Variants in MUCL3 observed in about 807,000 individuals in gnomAD.
MUCL3 encodes mucin-like protein 3.
Under a neutral mutation model 70.2 loss-of-function variants are expected in MUCL3, and 42 were observed. The observed-to-expected ratio is 0.60, with a 90% confidence interval of 0.47 to 0.77. The LOEUF is 0.77. Among genes scored for constraint, MUCL3 ranks in the 30% least tolerant of loss-of-function variants. MUCL3 has a pLI of 0.00. For missense variants in MUCL3, 1,429 were observed against 1,670.0 expected (o/e 0.86, Z 2.52); for synonymous variants, 522 against 647.0 (o/e 0.81, Z 2.93).
chr6:30,948,629 T>G lies in MUCL3; in HGVS notation c.165T>G (p.Val55=), dbSNP rs549163325. 3 of 1,551,608 alleles carry G rather than the reference T, an allele frequency of 1.9e-6. No homozygotes were observed. The South Asian group carries it at 3.6e-5, about 18-fold the overall frequency. The change falls in exon 2 of 3, where the codon GTT becomes GTG. Residue 55 remains valine (V), a synonymous_variant. Coordinates refer to ENST00000462446, the MANE Select transcript of MUCL3 (RefSeq NM_080870.4). The part of the protein sequence containing the change: ...DHIFPLTPGL[V]YSIPFDHIVL... ...TATTTCCCCTCACTCCAGGCCTTGT[T>G]TATAGTATCCCTTTTGATCACATTG...
Position 30,952,222 on chromosome 6 carries a change from C to G in MUCL3, c.3758C>G (p.Ser1253Cys), listed in dbSNP as rs1347896822. 7 of 1,614,158 alleles carry G rather than the reference C, an allele frequency of 4.3e-6. No homozygotes were observed. The highest frequency in any genetic ancestry group is 5.9e-6 in the Non-Finnish European group (7 of 1,180,028). Residue 1253 changes from serine (S) to cysteine (C), a missense_variant, in exon 2 of 3, where the codon TCT becomes TGT. Transcript: ENST00000462446. ...KPSVKVTGDK[S>C]LTTTSSHLNK... Reference sequence around the variant, plus strand: ...TCAGTCAAGGTCACAGGAGACAAATCTCTCACTACTACCTCTTCTCATCTA... The same window carrying G: ...TCAGTCAAGGTCACAGGAGACAAATGTCTCACTACTACCTCTTCTCATCTA...
rs1240420584 is a variant in MUCL3 at position 30,950,996 on chromosome 6, T to C, written c.2532T>C (p.Asn844=). 2 of 1,541,126 alleles carry C rather than the reference T, an allele frequency of 1.3e-6. No homozygotes were observed. The highest frequency in any genetic ancestry group is 1.7e-6 in the Non-Finnish European group (2 of 1,145,210). ...AATTCCCAGCAGAGCCTACAGAAAA[T>C]AGAGAAAGCACAGCCAATGAGAAGA... ...TTQFPAEPTE[N]RESTANEKTT... The change falls in exon 2 of 3, where the codon AAT becomes AAC. Residue 844 remains asparagine, a synonymous_variant. Transcript: ENST00000462446.
Position 30,949,281 on chromosome 6 carries a change from A to G in MUCL3, c.817A>G (p.Ile273Val), listed in dbSNP as rs1370713331. The stretch of plus-strand genomic sequence containing the variant: ...AACTACAAAAAACATACAAGAGACC[A>G]TATCAGCCAATGAGCTCACACAATC... ...TKTTKNIQETISANELTQSLA... is the reference protein window; with the variant it reads ...TKTTKNIQETVSANELTQSLA... The change falls in exon 2 of 3, where the codon ATA (isoleucine) becomes GTA (valine). Residue 273 changes from isoleucine to valine, a missense_variant. Ile to Val is a conservative substitution (Grantham distance 29, BLOSUM62 3). Transcript: ENST00000462446. 6 of 1,551,410 alleles carry G rather than the reference A, an allele frequency of 3.9e-6. No individual in the cohort carries two copies. In the African/African-American group the frequency reaches 5.5e-5, roughly 14 times the overall value.
At chr6:30,941,986 T>A (rs1795598594) in intron 1 of MUCL3, among the ~76,000 whole-genome samples, 1 of 152,134 alleles carries the variant, frequency 6.6e-6, no homozygotes, top group African/African-American at 2.4e-5. Flanking sequence ...TCTGACCCAT[T>A]TGCCTACTCT....
intron 1 of MUCL3, 116 bp downstream of exon 1, chr6:30,941,197 T>C (rs1795557972): frequency 4.0e-6 from 5 of 1,254,134 alleles, no homozygotes; most frequent in Admixed American, 2.2e-5. Flanking sequence ...CTACAGACAG[T>C]TGTCTAGAGT....
chr6:30,950,041 C>T lies in MUCL3; in HGVS notation c.1577C>T (p.Thr526Ile), dbSNP rs1760551510. 1.9e-6 allele frequency: 3 copies of T among 1,540,722 alleles called. No homozygotes were observed. Among genetic ancestry groups the T allele is most frequent in the Admixed American group, 2.0e-5 (1 of 49,696 alleles). ...SAEPTEHGER[T>I]PLANENTTPS... ...GAGCCTACAGAACACGGAGAAAGGA[C>T]CCCACTGGCCAATGAGAACACCACA... Residue 526 changes from threonine (T) to isoleucine (I), a missense_variant, in exon 2 of 3, where the codon ACC becomes ATC. By Grantham distance (89) the Thr-to-Ile change is moderately conservative. Coordinates refer to ENST00000462446, the MANE Select transcript of MUCL3 (RefSeq NM_080870.4).
intron 2 of MUCL3, 128 bp downstream of exon 2, chr6:30,952,627 A>G: frequency 1.9e-6 from 2 of 1,080,026 alleles, no homozygotes; most frequent in Non-Finnish European, 2.6e-6. Flanking sequence ...AGGAACAGTA[A>G]TAGAGGGAGA....
chr6:30,948,721 A>G lies in MUCL3; in HGVS notation c.257A>G (p.His86Arg). Residue 86 changes from histidine (H) to arginine (R), a missense_variant, in exon 2 of 3, where the codon CAC (histidine) becomes CGC (arginine). His to Arg is a conservative substitution (Grantham distance 29). Coordinates refer to ENST00000462446, the MANE Select transcript of MUCL3 (RefSeq NM_080870.4). ...KSTEIHEQKR[H>R]CNTTRHSKPT... ...ACAGAAATCCATGAGCAAAAACGCC[A>G]CTGCAACACCACACGCCATTCTAAG... 6.4e-7 allele frequency: 1 copy of G among 1,551,686 alleles called. No individual in the cohort carries two copies. The highest frequency in any genetic ancestry group is 8.7e-7 in the Non-Finnish European group (1 of 1,146,988).
In MUCL3 at chr6:30,952,362, C is replaced by T; in HGVS notation, c.3898C>T (p.Leu1300Phe). ...CACAGGAAACGAGAGCCATCCATAC[C>T]TCAATAAAGATGGCTCACAGAAAGG... ...EATGNESHPY[L>F]NKDGSQKGIH... is the part of the protein sequence containing the mutation. The change falls in exon 2 of 3, where the codon CTC becomes TTC. Residue 1300 changes from leucine (L) to phenylalanine (F), a missense_variant. By Grantham distance (22) the Leu-to-Phe change is conservative (BLOSUM62 0). Coordinates refer to ENST00000462446, the MANE Select transcript of MUCL3 (RefSeq NM_080870.4). The T allele has an allele frequency of 6.2e-7, 1 of 1,614,178 alleles. No individual in the cohort carries two copies.
intron 1 of MUCL3, 83 bp downstream of exon 1, chr6:30,941,164 T>C (rs536091996): frequency 6.0e-6 from 9 of 1,491,108 alleles, no homozygotes; most frequent in Non-Finnish European, 8.1e-6. Flanking sequence ...TAGAAATGAA[T>C]GAAGGGGGCG....
intron 1 of MUCL3, 75 bp from the exon 2 acceptor site, chr6:30,948,472 T>C: frequency 1.7e-6 from 2 of 1,181,790 alleles, no homozygotes; most frequent in Non-Finnish European, 1.2e-6. Context: ...AGAGATCCCC[T>C]AGAGAAGGAG....
Position 30,952,495 on chromosome 6 carries a change from T to C in MUCL3, c.4031T>C (p.Phe1344Ser). The C allele has an allele frequency of 6.3e-7, 1 of 1,595,862 alleles. No individual in the cohort carries two copies. Among genetic ancestry groups the C allele is most frequent in the African/African-American group, 1.3e-5 (1 of 74,458 alleles). ...CTCCTGGTGTTCCTTGGCCTGATCT[T>C]CTTGGTAAGGGACAGATGTGCCCCA... ...ILLLVFLGLIFLVSYMMRTRR... is the reference protein window; with the variant it reads ...ILLLVFLGLISLVSYMMRTRR... The change falls in exon 2 of 3, where the codon TTC (phenylalanine) becomes TCC (serine). Residue 1344 changes from phenylalanine (F) to serine (S), a missense_variant. Coordinates refer to ENST00000462446, the MANE Select transcript of MUCL3 (RefSeq NM_080870.4).
Position 30,951,266 on chromosome 6 carries a change from C to T in MUCL3, c.2802C>T (p.Ile934=). ...HGERTPLANE[I]TTPSRAEPTE... ...AAAGGACCCCACTGGCCAATGAGATCACCACACCATCCCGAGCAGAGCCTA... is the reference window on the plus strand; with the variant it reads ...AAAGGACCCCACTGGCCAATGAGATTACCACACCATCCCGAGCAGAGCCTA... The change falls in exon 2 of 3, where the codon ATC becomes ATT. Residue 934 remains isoleucine, a synonymous_variant. Transcript: ENST00000462446. 1 of 1,547,244 alleles carries T rather than the reference C, an allele frequency of 6.5e-7. No homozygotes were observed. Among genetic ancestry groups the T allele is most frequent in the African/African-American group, 1.4e-5 (1 of 71,278 alleles).
At chr6:30,944,438 C>T (rs570434754) in intron 1 of MUCL3, among the ~76,000 whole-genome samples, 8 of 152,234 alleles carry the variant, frequency 5.3e-5, no homozygotes, top group South Asian at 4.2e-4. Flanking sequence ...CCTGCCAACA[C>T]GCCTGGCTAA....
chr6:30,952,053 A>T lies in MUCL3; in HGVS notation c.3589A>T (p.Thr1197Ser). The T allele has an allele frequency of 6.2e-7, 1 of 1,611,054 alleles. No individual in the cohort carries two copies. Among genetic ancestry groups the T allele is most frequent in the South Asian group, 1.1e-5 (1 of 90,828 alleles). The change falls in exon 2 of 3, where the codon ACC (threonine) becomes TCC (serine). Residue 1197 changes from threonine to serine, a missense_variant. Physicochemically the swap from Thr to Ser is moderately conservative, Grantham distance 58 (BLOSUM62 1). Transcript: ENST00000462446. The part of the protein sequence containing the change: ...PTLYSEKTIC[T>S]KGKNTPVPEK... ...GCTATACTCAGAGAAGACCATATGC[A>T]CCAAAGGGAAAAACACACCAGTCCC...
Position 30,950,102 on chromosome 6 carries a change from G to C in MUCL3, c.1638G>C (p.Arg546Ser), listed in dbSNP as rs1191937607. The C allele has an allele frequency of 3.2e-6, 5 of 1,540,552 alleles. No homozygotes were observed. The Admixed American group carries it at 6.0e-5, about 19-fold the overall frequency. ...SPAEPTENRE[R>S]TANEKTTPSP... ...CAGAGCCTACAGAAAATAGAGAAAG[G>C]ACAGCCAATGAGAAGACCACACCAT... Residue 546 changes from arginine to serine, a missense_variant, in exon 2 of 3, where the codon AGG becomes AGC. Coordinates refer to ENST00000462446, the MANE Select transcript of MUCL3 (RefSeq NM_080870.4).
Position 30,949,894 on chromosome 6 carries a change from T to G in MUCL3, c.1430T>G (p.Val477Gly), listed in dbSNP as rs1480735305. 1.4e-6 allele frequency: 2 copies of G among 1,407,252 alleles called. No homozygotes were observed. The highest frequency in any genetic ancestry group is 2.9e-5 in the East Asian group (1 of 34,352). 87.2% of individuals were successfully genotyped at this position (1,407,252 alleles called of 1,614,324 possible). ...TANEKTTLSP[V>G]EPTENRETTA... ...AACGAGAAGACCACACTATCCCCAG[T>G]AGAGCCTACAGAAAATAGAGAAACA... The change falls in exon 2 of 3, where the codon GTA becomes GGA. Residue 477 changes from valine (V) to glycine (G), a missense_variant. Physicochemically the swap from Val to Gly is moderately radical, Grantham distance 109. Transcript: ENST00000462446.
Position 30,948,747 on chromosome 6 carries a change from C to A in MUCL3, c.283C>A (p.Pro95Thr). The A allele has an allele frequency of 1.3e-6, 2 of 1,551,564 alleles. No individual in the cohort carries two copies. The highest frequency in any genetic ancestry group is 1.7e-6 in the Non-Finnish European group (2 of 1,146,968). ...CTGCAACACCACACGCCATTCTAAGCCAACTGACAAGCCTACAGGCAACTC... is the reference window on the plus strand; with the variant it reads ...CTGCAACACCACACGCCATTCTAAGACAACTGACAAGCCTACAGGCAACTC... ...RHCNTTRHSK[P>T]TDKPTGNSKT... Residue 95 changes from proline to threonine, a missense_variant, in exon 2 of 3, where the codon CCA becomes ACA. By Grantham distance (38) the Pro-to-Thr change is conservative. Transcript: ENST00000462446.
At position 30,950,297 on chromosome 6, in the gene MUCL3, C is replaced by T; in HGVS notation, c.1833C>T (p.Ala611=). ...AACACGAAGAAAGGACTCCACTGGC[C>T]AATGAGAACACCACACCATCCCCGG... ...PTEHEERTPL[A]NENTTPSPAE... The change falls in exon 2 of 3, where the codon GCC becomes GCT. Residue 611 remains alanine (A), a synonymous_variant. Coordinates refer to ENST00000462446, the MANE Select transcript of MUCL3 (RefSeq NM_080870.4). 1 of 1,549,618 alleles carries T rather than the reference C, an allele frequency of 6.5e-7. No homozygotes were observed. The highest frequency in any genetic ancestry group is 8.7e-7 in the Non-Finnish European group (1 of 1,146,632).
Sources: gnomAD v4.1 joint callset for allele counts (sites outside exome capture counted in the v4.1 genomes callset) on GRCh38, gnomAD v4.1.1 for gene constraint, MANE v1.5 for transcripts, NCBI Gene and HGNC (gene_info 2026-07-23, HGNC 2026-07-21) for gene names.